Variants in TJP1 observed in about 807,000 individuals in gnomAD.
TJP1 encodes the protein tight junction protein 1.
A neutral mutation model predicts 194.2 loss-of-function variants in TJP1; 43 were observed. That is an observed-to-expected ratio of 0.22 (90% CI 0.17 to 0.29). The LOEUF (loss-of-function observed/expected upper bound fraction) is 0.29. Among genes scored for constraint, TJP1 ranks in the 10% least tolerant of loss-of-function variants. TJP1 has a pLI of 1.00. For missense variants in TJP1, 1,971 were observed against 2,185.7 expected (o/e 0.90, Z 1.96); for synonymous variants, 801 against 779.0 (o/e 1.03, Z -0.47).
In TJP1 at chr15:29,839,453, G is replaced by A. The variant is rs565420565; in HGVS notation, c.307-38751C>T. Among the ~76,000 whole-genome samples the A allele has an allele frequency of 2.0e-5, 3 of 152,206 alleles. No homozygotes were observed. The South Asian group carries it at 6.2e-4, about 32-fold the overall frequency. The stretch of plus-strand genomic sequence containing the variant: ...GCCCAGGAATTCAAGACTAGCCTGG[G>A]CAACATAGTGAGACCTCATCTCTAC... On this transcript the variant is annotated intron_variant, in intron 2 of 28. Coordinates refer to the TJP1 transcript ENST00000356107.
intron 18 of TJP1, among the ~76,000 whole-genome samples, chr15:29,722,053 T>C (rs897076684): frequency 6.6e-6 from 1 of 152,186 alleles, no homozygotes; most frequent in Non-Finnish European, 1.5e-5. Context: ...TATTTAAAAG[T>C]GAAGCAGAGC....
At chr15:29,748,957 C>T (rs28530628) in intron 8 of TJP1, among the ~76,000 whole-genome samples, 2,986 of 48,534 alleles carry the variant, frequency 0.062, 32 homozygotes, top group South Asian at 0.12. Context: ...TGTGTGTGCG[C>T]GTGTGTGCGC....
intron 2 of TJP1, among the ~76,000 whole-genome samples, chr15:29,925,991 T>C (rs1054244774): frequency 6.6e-6 from 1 of 152,162 alleles, no homozygotes; most frequent in Non-Finnish European, 1.5e-5. Context: ...CAGCAGCACC[T>C]CCTGGTGGCC....
At chr15:29,935,110 C>A (rs1039667769) in intron 2 of TJP1, among the ~76,000 whole-genome samples, 1 of 152,208 alleles carries the variant, frequency 6.6e-6, no homozygotes, top group African/African-American at 2.4e-5. Context: ...TTCTATTGCT[C>A]ACATGAACTC....
chr15:29,883,257 G>C (rs1362268814), intron 2 of TJP1, among the ~76,000 whole-genome samples: 1 of 149,636 alleles, frequency 6.7e-6, no homozygotes, highest in East Asian at 2.1e-4. Context: ...TGGGACTTAA[G>C]TGACGCTGGG....
chr15:29,864,447 T>C (rs1039478021), intron 2 of TJP1, among the ~76,000 whole-genome samples: 3 of 152,096 alleles, frequency 2.0e-5, no homozygotes, highest in Non-Finnish European at 4.4e-5. Flanking sequence ...TGCATCTCAT[T>C]TAGCTTAGTA....
chr15:29,873,658 C>T (rs1437664871), intron 2 of TJP1, among the ~76,000 whole-genome samples: 2 of 152,186 alleles, frequency 1.3e-5, no homozygotes, highest in East Asian at 3.9e-4. Flanking sequence ...CAAGCACTGA[C>T]CTCTCCCTTT....
intron 2 of TJP1, among the ~76,000 whole-genome samples, chr15:29,929,430 C>T (rs1265125117): frequency 2.0e-5 from 3 of 152,128 alleles, no homozygotes; most frequent in Admixed American, 6.5e-5. Context: ...AGTGCTGTGG[C>T]TCAGGCCTGT....
chr15:29,895,560 T>C (rs1335443611), intron 2 of TJP1, among the ~76,000 whole-genome samples: 1 of 152,210 alleles, frequency 6.6e-6, no homozygotes, highest in Non-Finnish European at 1.5e-5. Context: ...AATATTCTGA[T>C]CACAACCACT....
intron 2 of TJP1, among the ~76,000 whole-genome samples, chr15:29,936,226 C>A (rs1389347267): frequency 6.6e-6 from 1 of 152,050 alleles, no homozygotes; most frequent in African/African-American, 2.4e-5. Context: ...CTCTCCACAG[C>A]CATCTAAAGA....
chr15:29,728,152 G>A, intron 15 of TJP1, 133 bp from the exon 16 acceptor site: 1 of 563,312 alleles, frequency 1.8e-6, no homozygotes, highest in Non-Finnish European at 3.1e-6. Context: ...TATGCATGCA[G>A]TACTTAAAGT....
chr15:29,953,246 A>C (rs1174486854), intron 2 of TJP1, among the ~76,000 whole-genome samples: 5 of 141,730 alleles, frequency 3.5e-5, no homozygotes, highest in African/African-American at 7.8e-5. Context: ...AGTTCAAGCC[A>C]TTCTCCTGCC....
intron 1 of TJP1, among the ~76,000 whole-genome samples, chr15:29,804,812 G>A (rs779564331): frequency 6.6e-6 from 1 of 152,138 alleles, no homozygotes; most frequent in Non-Finnish European, 1.5e-5. Flanking sequence ...AGGGGAAAAT[G>A]TATTACTCCT....
chr15:29,730,984 G>A (rs1348948131), intron 15 of TJP1: 22 of 1,296,846 alleles, frequency 1.7e-5, no homozygotes, highest in Non-Finnish European at 2.2e-5. Context: ...GATGCCAAGT[G>A]AAGTGTGTGC....
intron 2 of TJP1, among the ~76,000 whole-genome samples, chr15:29,930,779 A>G (rs2054681856): frequency 6.6e-6 from 1 of 152,240 alleles, no homozygotes; most frequent in South Asian, 2.1e-4. Flanking sequence ...GGAAGAGGCA[A>G]GTCTGTCATA....
chr15:29,959,114 C>T (rs1354302744), intron 1 of TJP1, among the ~76,000 whole-genome samples: 1 of 151,818 alleles, frequency 6.6e-6, no homozygotes, highest in Non-Finnish European at 1.5e-5. Flanking sequence ...CTCAGCCTCC[C>T]GGGCAGCTGG....
At chr15:29,799,416 A>AT (rs565711466) in intron 2 of TJP1, among the ~76,000 whole-genome samples, 3,960 of 144,330 alleles carry the variant, frequency 0.027, 62 homozygotes, top group South Asian at 0.058. Context: ...AGAAAAAAAA[A>AT]TTTTTTTTTT....
chr15:29,903,643 G>A (rs1435050075), intron 2 of TJP1, among the ~76,000 whole-genome samples: 27 of 152,030 alleles, frequency 1.8e-4, no homozygotes, highest in Middle Eastern at 3.4e-3. Context: ...ACGGGGTTTC[G>A]CTGTGTTAGC....
intron 2 of TJP1, among the ~76,000 whole-genome samples, chr15:29,855,586 T>G (rs1173988594): frequency 2.6e-5 from 4 of 152,076 alleles, no homozygotes; most frequent in Non-Finnish European, 5.9e-5. Context: ...CCAGGTGTGG[T>G]GGCTCACACC....
Sources: gnomAD v4.1 joint callset for allele counts (sites outside exome capture counted in the v4.1 genomes callset) on GRCh38, gnomAD v4.1.1 for gene constraint, MANE v1.5 for transcripts, NCBI Gene and HGNC (gene_info 2026-07-23, HGNC 2026-07-21) for gene names.